FAM222A: variants seen among roughly 807,000 people sequenced by gnomAD.
FAM222A encodes family with sequence similarity 222 member A.
A neutral mutation model predicts 25.8 loss-of-function variants in FAM222A; 7 were observed. That is an observed-to-expected ratio of 0.27 (90% CI 0.15 to 0.51). FAM222A has a LOEUF of 0.51. Among genes scored for constraint, FAM222A ranks in the 20% least tolerant of loss-of-function variants. The pLI is 0.97. For synonymous variants in FAM222A, 294 were observed against 298.8 expected (o/e 0.98, Z 0.17); for missense variants, 573 against 640.5 (o/e 0.89, Z 1.14).
chr12:109,754,257 A>C (rs893215453), intron 2 of FAM222A, among the ~76,000 whole-genome samples: 2 of 152,194 alleles, frequency 1.3e-5, no homozygotes, highest in African/African-American at 4.8e-5. Context: ...AAGGATTAGA[A>C]AGGAGTAAAA....
Position 109,767,062 on chromosome 12 carries a change from CTTT to C in FAM222A, c.83-928_83-926del, listed in dbSNP as rs757766627. Among the ~76,000 whole-genome samples the C allele has an allele frequency of 1.1e-4, 10 of 93,072 alleles. No individual in the cohort carries two copies. In the East Asian group the frequency reaches 1.7e-3, roughly 16 times the overall value. The allele number at this position is 93,072 out of a possible 152,430, so 61.1% of individuals were successfully genotyped here. A position where few individuals can be genotyped will look rare whatever the true frequency, so the allele number is the denominator to read the frequency against. The stretch of plus-strand genomic sequence containing the variant: ...AGGCATGCACCATAATGCTTGGCTT[CTTT>C]TTTTTTTTTTTTTTTTTTTTTCTTA... On this transcript the variant is annotated intron_variant, in intron 2 of 2. Coordinates refer to ENST00000538780, the MANE Select transcript of FAM222A (RefSeq NM_032829.3).
At chr12:109,755,406 G>A (rs567642977) in intron 2 of FAM222A, among the ~76,000 whole-genome samples, 16 of 138,770 alleles carry the variant, frequency 1.2e-4, no homozygotes, top group Non-Finnish European at 1.4e-4. Flanking sequence ...TCGGCTCACC[G>A]CAACCTCTGC....
chr12:109,739,500 A>G (rs1051512518), intron 1 of FAM222A, among the ~76,000 whole-genome samples: 1 of 152,132 alleles, frequency 6.6e-6, no homozygotes, highest in African/African-American at 2.4e-5. Context: ...GGCTTTACTC[A>G]TCTCAGTGTT....
intron 1 of FAM222A, among the ~76,000 whole-genome samples, chr12:109,725,618 G>A (rs796716813): frequency 2.6e-5 from 4 of 152,014 alleles, no homozygotes; most frequent in Non-Finnish European, 5.9e-5. Context: ...TGGGACCCAG[G>A]TGAGACCAGG....
chr12:109,754,582 T>C (rs1888660080), intron 2 of FAM222A, among the ~76,000 whole-genome samples: 1 of 152,112 alleles, frequency 6.6e-6, no homozygotes. Flanking sequence ...CATAAATGAA[T>C]GGGTGTAGCT....
Position 109,768,454 on chromosome 12 carries a change from C to T in FAM222A, c.525C>T (p.Ala175=), listed in dbSNP as rs769437358. ...APAPPPGLPA[A]ATAASVIPLP... ...CTCCACCACCCGGCCTGCCCGCAGC[C>T]GCCACTGCCGCCTCCGTCATCCCCC... The change falls in exon 3 of 3, where the codon GCC becomes GCT. Residue 175 remains alanine (A), a synonymous_variant. Transcript: ENST00000538780. 1.0e-5 allele frequency: 16 copies of T among 1,601,230 alleles called. No individual in the cohort carries two copies. The highest frequency in any genetic ancestry group is 2.7e-5 in the African/African-American group (2 of 74,878).
chr12:109,743,541 G>A (rs1888303449), intron 1 of FAM222A, among the ~76,000 whole-genome samples: 2 of 152,186 alleles, frequency 1.3e-5, no homozygotes, highest in South Asian at 4.1e-4. Flanking sequence ...AGGTTCAAGA[G>A]CCCCTTGTTC....
chr12:109,749,999 T>C (rs1439076563), intron 2 of FAM222A, among the ~76,000 whole-genome samples: 2 of 152,236 alleles, frequency 1.3e-5, no homozygotes, highest in Admixed American at 6.5e-5. Context: ...TGATCCAGTC[T>C]GAATGCCCTT....
At chr12:109,764,485 C>T (rs1371103658) in intron 2 of FAM222A, among the ~76,000 whole-genome samples, 3 of 152,140 alleles carry the variant, frequency 2.0e-5, no homozygotes, top group Non-Finnish European at 4.4e-5. Context: ...TAGATTTAAT[C>T]ATTTTCACAG....
chr12:109,754,068 A>G (rs1353796397), intron 2 of FAM222A, among the ~76,000 whole-genome samples: 1 of 152,188 alleles, frequency 6.6e-6, no homozygotes, highest in Non-Finnish European at 1.5e-5. Context: ...CTCCAAGCCA[A>G]CTAGGAAGGA....
chr12:109,760,475 A>G (rs1378951481), intron 2 of FAM222A, among the ~76,000 whole-genome samples: 2 of 152,112 alleles, frequency 1.3e-5, no homozygotes, highest in African/African-American at 2.4e-5. Context: ...CTGGCTCACA[A>G]ATCCTCTCTT....
At chr12:109,767,700 G>A (rs1355023811) in intron 2 of FAM222A, among the ~76,000 whole-genome samples, 2 of 152,162 alleles carry the variant, frequency 1.3e-5, no homozygotes, top group African/African-American at 4.8e-5. Context: ...GTCCATGTTA[G>A]AAGTCAGGAT....
chr12:109,727,588 C>T (rs1002482871), intron 1 of FAM222A, among the ~76,000 whole-genome samples: 28 of 152,272 alleles, frequency 1.8e-4, no homozygotes, highest in Non-Finnish European at 3.5e-4. Context: ...AGGCAAGGGG[C>T]GGTAGTCTCA....
intron 1 of FAM222A, chr12:109,720,030 T>G: frequency 1.1e-6 from 1 of 935,852 alleles, no homozygotes; most frequent in Non-Finnish European, 1.3e-6. Flanking sequence ...CTCAACAGCT[T>G]TCTCATGGGC....
intron 2 of FAM222A, among the ~76,000 whole-genome samples, chr12:109,762,719 C>A (rs1201035597): frequency 6.6e-6 from 1 of 152,218 alleles, no homozygotes; most frequent in African/African-American, 2.4e-5. Context: ...CCCCAAGCCA[C>A]CTCCATTGCT....
intron 1 of FAM222A, among the ~76,000 whole-genome samples, chr12:109,733,001 G>A (rs1056277484): frequency 2.6e-5 from 4 of 152,186 alleles, no homozygotes; most frequent in African/African-American, 7.2e-5. Context: ...GTGGTGATGG[G>A]ACAATGGCCA....
Position 109,714,385 on chromosome 12 carries a change from G to T in FAM222A, c.-559G>T. On this transcript the variant is annotated 5_prime_UTR_variant, in exon 1 of 3. Transcript: ENST00000538780. The surrounding 1 kb of genome is among the most constrained non-coding windows in gnomAD (Gnocchi z 4.2). ...GCGGGTGCGTGCAACCCCCGAAGGAGACAATCCCTCCACCTCGGGGCGAAC... is the reference window on the plus strand; with the variant it reads ...GCGGGTGCGTGCAACCCCCGAAGGATACAATCCCTCCACCTCGGGGCGAAC... 6.5e-6 allele frequency: 1 copy of T among 152,920 alleles called. No homozygotes were observed. The highest frequency in any genetic ancestry group is 1.9e-4 in the South Asian group (1 of 5,170). 9.5% of individuals were successfully genotyped at this position (152,920 alleles called of 1,614,324 possible).
intron 1 of FAM222A, chr12:109,743,850 C>G (rs1409290267): frequency 1.5e-5 from 15 of 985,246 alleles, no homozygotes; most frequent in Non-Finnish European, 1.7e-5. Context: ...CGAGCAGGGC[C>G]GGGGCATGTG....
At chr12:109,733,528 T>C (rs1459391556) in intron 1 of FAM222A, among the ~76,000 whole-genome samples, 43 of 152,026 alleles carry the variant, frequency 2.8e-4, no homozygotes, top group Admixed American at 1.3e-4. Context: ...CTCAGCCTCC[T>C]GAGTAGCTGG....
Sources: allele counts gnomAD v4.1 joint callset (sites outside exome capture counted in the v4.1 genomes callset), GRCh38; gene constraint gnomAD v4.1.1; non-coding constraint Gnocchi (gnomAD v3.1); transcripts MANE v1.5; gene names NCBI Gene and HGNC (gene_info 2026-07-23, HGNC 2026-07-21).